The following MERTK variants were observed in gnomAD, a reference collection of about 807,000 sequenced individuals.
MERTK encodes tyrosine-protein kinase Mer.
A neutral mutation model predicts 99.3 loss-of-function variants in MERTK; 69 were observed. That is an observed-to-expected ratio of 0.70 (90% CI 0.57 to 0.85). The LOEUF (loss-of-function observed/expected upper bound fraction) is 0.85, where lower values mean the gene tolerates loss of function less well. Ranked by LOEUF, MERTK falls within the 40% of genes least tolerant of loss-of-function variation. The pLI is 0.00. For missense variants in MERTK, 1,125 were observed against 1,249.4 expected, an observed-to-expected ratio of 0.90 and a Z score of 1.50; for synonymous variants, 426 against 467.6, an observed-to-expected ratio of 0.91 and a Z score of 1.15.
intron 8 of MERTK, among the ~76,000 whole-genome samples, chr2:111,990,030 A>G (rs1362011151): frequency 6.6e-6 from 1 of 152,158 alleles, no homozygotes; most frequent in Admixed American, 6.5e-5. Flanking sequence ...AATGTCCCCA[A>G]CTTATGTGAT....
chr2:112,024,817 C>A (rs1452535376), intron 18 of MERTK: 2 of 152,770 alleles, frequency 1.3e-5, no homozygotes, highest in Non-Finnish European at 2.9e-5. Context: ...GTAGTCCCAG[C>A]TGCTCAAGAG....
chr2:111,973,309 C>CA (rs1169255392), intron 6 of MERTK, among the ~76,000 whole-genome samples: 3 of 152,144 alleles, frequency 2.0e-5, no homozygotes, highest in Admixed American at 6.6e-5. Flanking sequence ...GAAGTAGGTG[C>CA]ACACTCTAAA....
intron 7 of MERTK, among the ~76,000 whole-genome samples, chr2:111,977,597 CATCAA>C (rs1476727583): frequency 6.6e-6 from 1 of 152,092 alleles, no homozygotes; most frequent in Non-Finnish European, 1.5e-5. Context: ...TTGTTGTTTA[CATCAA>C]ATTTGGAAAA....
At chr2:111,967,712 CTTGG>C (rs1386343492) in intron 5 of MERTK, among the ~76,000 whole-genome samples, 3 of 152,164 alleles carry the variant, frequency 2.0e-5, no homozygotes, top group Non-Finnish European at 2.9e-5. Flanking sequence ...CGCTCTTATT[CTTGG>C]TTAACGTGGG....
intron 15 of MERTK, among the ~76,000 whole-genome samples, chr2:112,018,159 T>A (rs1677256898): frequency 6.6e-6 from 1 of 152,254 alleles, no homozygotes; most frequent in Non-Finnish European, 1.5e-5. Context: ...AGTTGATTTT[T>A]GTATGTCCAT....
chr2:112,002,834 G>A (rs1676896600), intron 11 of MERTK, among the ~76,000 whole-genome samples: 1 of 152,160 alleles, frequency 6.6e-6, no homozygotes, highest in Admixed American at 6.5e-5. Context: ...TTAGCTGGGT[G>A]TGGTGGTGCA....
At chr2:112,006,873 T>C (rs1180093088) in intron 13 of MERTK, among the ~76,000 whole-genome samples, 1 of 151,494 alleles carries the variant, frequency 6.6e-6, no homozygotes, top group Non-Finnish European at 1.5e-5. Flanking sequence ...TTTAAATTTT[T>C]CTAAATTTCC....
At chr2:111,975,235 T>G in intron 6 of MERTK, 54 bp from the exon 7 acceptor site, 8 of 1,581,816 alleles carry the variant, frequency 5.1e-6, no homozygotes, top group African/African-American at 1.3e-5. Context: ...GCCCCGTGCC[T>G]GACATTCCCA....
chr2:111,998,095 C>A lies in MERTK; in HGVS notation c.1604+619C>A, dbSNP rs1196956869. Among the ~76,000 whole-genome samples the A allele has an allele frequency of 3.3e-5, 5 of 152,164 alleles. No individual in the cohort carries two copies. The East Asian group carries it at 9.6e-4, about 29-fold the overall frequency. On this transcript the variant is annotated intron_variant, in intron 10 of 18. Coordinates refer to ENST00000295408, the MANE Select transcript of MERTK (RefSeq NM_006343.3). ...CACCTTCAGAATGCTACTAGAACAT[C>A]CCACTCGCTCCAAGACTTGCCATAG...
At chr2:111,965,819 C>T (rs971482964) in intron 5 of MERTK, among the ~76,000 whole-genome samples, 2 of 152,136 alleles carry the variant, frequency 1.3e-5, no homozygotes, top group Admixed American at 6.5e-5. Context: ...CCCAATGCTC[C>T]TATCCCTCTT....
chr2:111,961,743 ATTTTCTTTT>A (rs1381684155), intron 4 of MERTK, among the ~76,000 whole-genome samples: 1 of 152,162 alleles, frequency 6.6e-6, no homozygotes, highest in Non-Finnish European at 1.5e-5. Context: ...ACCAGCACTG[ATTTTCTTTT>A]TTATGCACAT....
At chr2:111,942,778 T>TG (rs1684888881) in intron 2 of MERTK, among the ~76,000 whole-genome samples, 1 of 152,124 alleles carries the variant, frequency 6.6e-6, no homozygotes. Context: ...CATCAGGAAA[T>TG]GCAATGACAG....
Position 112,021,501 on chromosome 2 carries a change from G to C in MERTK, c.2269G>C (p.Gly757Arg). The change falls in exon 17 of 19, where the codon GGC (glycine) becomes CGC (arginine). Residue 757 changes from glycine (G) to arginine (R), a missense_variant. Transcript: ENST00000295408. Reference protein sequence around the residue: ...KIYSGDYYRQGRIAKMPVKWI... With the variant: ...KIYSGDYYRQRRIAKMPVKWI... ...TTACAGTGGCGATTATTACCGCCAA[G>C]GCCGCATTGCTAAGATGCCTGTTAA... 1 of 1,613,978 alleles carries C rather than the reference G, an allele frequency of 6.2e-7. No homozygotes were observed. The highest frequency in any genetic ancestry group is 8.5e-7 in the Non-Finnish European group (1 of 1,179,898).
chr2:111,925,290 ATATTTTTTTTTTTT>A (rs1684537981), intron 1 of MERTK, among the ~76,000 whole-genome samples: 2 of 31,508 alleles, frequency 6.3e-5, no homozygotes, highest in South Asian at 1.3e-3. Context: ...ATATATATAT[ATATTTTTTTTTTTT>A]TTTTTTTTTT....
At chr2:111,973,876 G>C (rs1337701610) in intron 6 of MERTK, among the ~76,000 whole-genome samples, 2 of 151,668 alleles carry the variant, frequency 1.3e-5, no homozygotes, top group Non-Finnish European at 2.9e-5. Context: ...TTTGGAGGGG[G>C]ATGTGGAGAG....
At chr2:111,932,450 G>A (rs1019432958) in intron 2 of MERTK, among the ~76,000 whole-genome samples, 4 of 152,140 alleles carry the variant, frequency 2.6e-5, no homozygotes, top group African/African-American at 9.7e-5. Flanking sequence ...CAAAGTGCTG[G>A]GATTATAGGC....
rs1677082149 is a variant in MERTK at position 112,010,716 on chromosome 2, G to GGCCTCCT, written c.2079+650_2079+651insGCCTCCT. 3.3e-5 allele frequency among the ~76,000 whole-genome samples: 5 copies of GGCCTCCT among 152,122 alleles called. No individual in the cohort carries two copies. The South Asian group carries it at 1.0e-3, about 32-fold the overall frequency. ...AGGAATCATAGCCACTGGGGACATT[G>GGCCTCCT]TATCTTTCATTTCCTAGGCCTCCTT... On this transcript the variant is annotated intron_variant, in intron 15 of 18. Coordinates refer to ENST00000295408, the MANE Select transcript of MERTK (RefSeq NM_006343.3).
intron 13 of MERTK, among the ~76,000 whole-genome samples, chr2:112,004,387 G>A (rs1279372579): frequency 6.6e-6 from 1 of 152,008 alleles, no homozygotes; most frequent in African/African-American, 2.4e-5. Flanking sequence ...TAGTGTGGTG[G>A]GGCCACTTCC....
chr2:111,951,332 C>G (rs1186869686), intron 4 of MERTK, among the ~76,000 whole-genome samples: 1 of 151,728 alleles, frequency 6.6e-6, no homozygotes, highest in Non-Finnish European at 1.5e-5. Context: ...CTCCACCCAC[C>G]CTTTTAAACC....
Sources: allele counts gnomAD v4.1 joint callset (sites outside exome capture counted in the v4.1 genomes callset), GRCh38; gene constraint gnomAD v4.1.1; transcripts MANE v1.5; gene names NCBI Gene and HGNC (gene_info 2026-07-23, HGNC 2026-07-21).